ESRRB: variants seen among roughly 807,000 people sequenced by gnomAD.
The protein encoded by ESRRB is estrogen related receptor beta.
ESRRB carries 16 observed loss-of-function variants against 46.0 expected under a neutral mutation model. That is an observed-to-expected ratio of 0.35 (90% CI 0.24 to 0.53). The LOEUF (loss-of-function observed/expected upper bound fraction) is 0.53. Among genes scored for constraint, ESRRB ranks in the 20% least tolerant of loss-of-function variants. ESRRB has a pLI of 0.93. For missense variants in ESRRB, 488 were observed against 607.4 expected, an observed-to-expected ratio of 0.80 and a Z score of 2.07; for synonymous variants, 246 against 259.6, an observed-to-expected ratio of 0.95 and a Z score of 0.50.
At chr14:76,384,942 T>C (rs1160079133) in intron 1 of ESRRB, among the ~76,000 whole-genome samples, 2 of 152,140 alleles carry the variant, frequency 1.3e-5, no homozygotes, top group Non-Finnish European at 2.9e-5. Flanking sequence ...GGAACTGACC[T>C]CTCTGAATTT....
At chr14:76,457,264 C>T (rs185829153) in intron 2 of ESRRB, among the ~76,000 whole-genome samples, 4 of 152,216 alleles carry the variant, frequency 2.6e-5, no homozygotes, top group Admixed American at 2.6e-4. Flanking sequence ...GTCTAGGGAC[C>T]GGAGGCAGAC....
At chr14:76,334,889 A>C (rs1884108121) in intron 1 of ESRRB, among the ~76,000 whole-genome samples, 1 of 152,216 alleles carries the variant, frequency 6.6e-6, no homozygotes, top group South Asian at 2.1e-4. Flanking sequence ...GCTGGTCTGC[A>C]GCAGGGACAG....
chr14:76,398,487 G>T (rs1885794633), intron 1 of ESRRB, among the ~76,000 whole-genome samples: 1 of 152,166 alleles, frequency 6.6e-6, no homozygotes, highest in Non-Finnish European at 1.5e-5. Context: ...GGTGGTCTCT[G>T]CTTTGCTGCT....
At chr14:76,450,521 CT>C (rs1235667856) in intron 2 of ESRRB, among the ~76,000 whole-genome samples, 1 of 152,150 alleles carries the variant, frequency 6.6e-6, no homozygotes, top group Non-Finnish European at 1.5e-5. Context: ...CACTGGGAGT[CT>C]TTTGAGCAAT....
At chr14:76,371,687 T>C (rs1268735644), upstream of ESRRB, 1 of 152,216 alleles carries the variant, frequency 6.6e-6, no homozygotes, top group Non-Finnish European at 1.5e-5. Flanking sequence ...AGGGATGGCA[T>C]AAACAAACAG....
intron 1 of ESRRB, among the ~76,000 whole-genome samples, chr14:76,417,234 G>T (rs1886745394): frequency 6.6e-6 from 1 of 152,218 alleles, no homozygotes; most frequent in South Asian, 2.1e-4. Flanking sequence ...CCTGACTAAT[G>T]ATGAGGTGAG....
chr14:76,414,521 G>A (rs921161647), intron 1 of ESRRB, among the ~76,000 whole-genome samples: 2 of 151,494 alleles, frequency 1.3e-5, no homozygotes, highest in Non-Finnish European at 2.9e-5. Flanking sequence ...CTGTGTTGCT[G>A]AGCTTGCAGT....
intron 6 of ESRRB, among the ~76,000 whole-genome samples, chr14:76,497,795 G>A (rs1890490452): frequency 6.6e-6 from 1 of 152,120 alleles, no homozygotes; most frequent in South Asian, 2.1e-4. Flanking sequence ...CTTGTGACAA[G>A]TTCTGTTATA....
chr14:76,415,588 A>C (rs1886662609), intron 1 of ESRRB, among the ~76,000 whole-genome samples: 1 of 152,222 alleles, frequency 6.6e-6, no homozygotes, highest in African/African-American at 2.4e-5. Context: ...TGAACCCGGA[A>C]GGTGGAGTTT....
intron 1 of ESRRB, chr14:76,404,489 T>C (rs1258870036): frequency 3.9e-5 from 6 of 152,392 alleles, no homozygotes; most frequent in Non-Finnish European, 7.3e-5. Context: ...AATGAATGAA[T>C]GGCCAGACCA....
At chr14:76,475,430 C>T (rs1889543841) in intron 3 of ESRRB, among the ~76,000 whole-genome samples, 1 of 151,694 alleles carries the variant, frequency 6.6e-6, no homozygotes, top group South Asian at 2.1e-4. Flanking sequence ...CTTTGGTGTC[C>T]TTTTGGTTTA....
intron 2 of ESRRB, among the ~76,000 whole-genome samples, chr14:76,449,761 CT>C (rs79764142): frequency 0.015 from 1,885 of 126,250 alleles, 22 homozygotes; most frequent in African/African-American, 0.039. Context: ...TTTTTCTTTC[CT>C]TTTTTTTTTT....
At position 76,428,940 on chromosome 14, in the gene ESRRB, C is replaced by T. The variant is rs370241147; in HGVS notation, c.51-10401C>T. On this transcript the variant is annotated intron_variant, in intron 1 of 6. Transcript: ENST00000644823. Reference sequence around the variant, plus strand: ...ACAGATTTTTGCCTGAGCTCCAGAGCGTGCAGAGGGAGGCAACTCTCGCTG... The same window carrying T: ...ACAGATTTTTGCCTGAGCTCCAGAGTGTGCAGAGGGAGGCAACTCTCGCTG... 4.6e-5 allele frequency among the ~76,000 whole-genome samples: 7 copies of T among 152,280 alleles called. No individual in the cohort carries two copies. The East Asian group carries it at 1.2e-3, about 25-fold the overall frequency.
intron 2 of ESRRB, among the ~76,000 whole-genome samples, chr14:76,448,964 T>A (rs759687158): frequency 6.6e-6 from 1 of 152,370 alleles, no homozygotes; most frequent in South Asian, 2.1e-4. Context: ...GAATCTTTGA[T>A]ACAAATGTCT....
At chr14:76,387,692 G>A (rs1280010766) in intron 1 of ESRRB, among the ~76,000 whole-genome samples, 1 of 152,202 alleles carries the variant, frequency 6.6e-6, no homozygotes, top group Non-Finnish European at 1.5e-5. Context: ...ACCTCCAGCT[G>A]CTGAATATGC....
upstream of ESRRB, among the ~76,000 whole-genome samples, chr14:76,372,599 A>G (rs1193663368): frequency 6.6e-6 from 1 of 152,154 alleles, no homozygotes; most frequent in Non-Finnish European, 1.5e-5. Flanking sequence ...TGGGAGGCCA[A>G]CTCAGGCAGA....
Position 76,363,548 on chromosome 14 carries a change from C to T in ESRRB, c.2+52632C>T, listed in dbSNP as rs546007020. On this transcript the variant is annotated intron_variant, in intron 1 of 6. Transcript: ENST00000512784. Reference sequence around the variant, plus strand: ...TTCCCCAATGTTATATTCCTTTTCTCATTTTCTCCATTCAGCGCTGAGAGC... The same window carrying T: ...TTCCCCAATGTTATATTCCTTTTCTTATTTTCTCCATTCAGCGCTGAGAGC... 4.6e-5 allele frequency among the ~76,000 whole-genome samples: 7 copies of T among 152,316 alleles called. No homozygotes were observed. The East Asian group carries it at 1.3e-3, about 29-fold the overall frequency.
In ESRRB at chr14:76,500,639, G is replaced by A; in HGVS notation, c.*2181G>A. On this transcript the variant is annotated 3_prime_UTR_variant, in exon 7 of 7. Transcript: ENST00000644823. Reference sequence around the variant, plus strand: ...TCTGTCACTTCCTGCTCAAGCTGGAGGACCCAGGCGGCAGGGCATCATGCC... The same window carrying A: ...TCTGTCACTTCCTGCTCAAGCTGGAAGACCCAGGCGGCAGGGCATCATGCC... 3 of 1,599,008 alleles carry A rather than the reference G, an allele frequency of 1.9e-6. No homozygotes were observed. Among genetic ancestry groups the A allele is most frequent in the African/African-American group, 1.3e-5 (1 of 74,778 alleles).
At position 76,439,467 on chromosome 14, in the gene ESRRB, G is replaced by T; in HGVS notation, c.177G>T (p.Ser59=). 3 of 1,610,500 alleles carry T rather than the reference G, an allele frequency of 1.9e-6. No individual in the cohort carries two copies. Among genetic ancestry groups the T allele is most frequent in the Non-Finnish European group, 1.7e-6 (2 of 1,179,430 alleles). ...TCAGCCACCACAGCCCCAGTGGCTC[G>T]TCCGACGCCAGCGGCGGCTTTGGCC... ...DALSHHSPSG[S]SDASGGFGLA... is the part of the protein sequence containing the mutation. The change falls in exon 2 of 7, where the codon TCG becomes TCT. Residue 59 remains serine (S), a synonymous_variant. Transcript: ENST00000644823.
Sources: allele counts gnomAD v4.1 joint callset (sites outside exome capture counted in the v4.1 genomes callset), GRCh38; gene constraint gnomAD v4.1.1; transcripts MANE v1.5; gene names NCBI Gene and HGNC (gene_info 2026-07-23, HGNC 2026-07-21).